USP13: variants seen among roughly 807,000 people sequenced by gnomAD.
USP13 encodes the protein ubiquitin carboxyl-terminal hydrolase 13.
A neutral mutation model predicts 107.8 loss-of-function variants in USP13; 68 were observed. The ratio of observed to expected loss-of-function variants is 0.63; its 90% CI spans 0.52 to 0.77. The LOEUF is 0.77. USP13 is among the 30% of genes least tolerant of loss of function. The pLI is 0.00. For missense variants in USP13, 945 were observed against 1,093.3 expected (o/e 0.86, Z 1.91); for synonymous variants, 377 against 389.5 (o/e 0.97, Z 0.38).
In USP13 at chr3:179,712,422, G is replaced by T. The variant is rs555342271; in HGVS notation, c.805+3465G>T. Among the ~76,000 whole-genome samples the T allele has an allele frequency of 2.0e-5, 3 of 152,000 alleles. No homozygotes were observed. The South Asian group carries it at 6.2e-4, about 32-fold the overall frequency. ...AGACTACTCACTGTTAATAATTTAGGTATTTCATTTTAGTCTTTTCTCTTT... is the reference window on the plus strand; with the variant it reads ...AGACTACTCACTGTTAATAATTTAGTTATTTCATTTTAGTCTTTTCTCTTT... On this transcript the variant is annotated intron_variant, in intron 6 of 20. Coordinates refer to ENST00000263966, the MANE Select transcript of USP13 (RefSeq NM_003940.3).
intron 1 of USP13, among the ~76,000 whole-genome samples, chr3:179,666,805 C>T (rs1162478870): frequency 2.0e-5 from 3 of 152,184 alleles, no homozygotes; most frequent in East Asian, 1.9e-4. Flanking sequence ...TGCCGACAGC[C>T]GCCCACCTGG....
In USP13 at chr3:179,785,929, G is replaced by A. The variant is rs757127593; in HGVS notation, c.*1788G>A. 6.6e-6 allele frequency: 1 copy of A among 152,272 alleles called. No individual in the cohort carries two copies. The highest frequency in any genetic ancestry group is 6.5e-5 in the Admixed American group (1 of 15,282). The allele number at this position is 152,272 out of a possible 1,614,324, so 9.4% of individuals were successfully genotyped here. A position where few individuals can be genotyped will look rare whatever the true frequency, so the allele number is the denominator to read the frequency against. ...ATGCTTTGAGGATACAGTGAGATTG[G>A]TTACAGTGAACCTTCAATGAGTAGA... On this transcript the variant is annotated 3_prime_UTR_variant, in exon 21 of 21. Coordinates refer to ENST00000263966, the MANE Select transcript of USP13 (RefSeq NM_003940.3).
chr3:179,786,125 T>TA lies in USP13; in HGVS notation c.*1987dup, dbSNP rs1001146846. 1 of 152,166 alleles carries TA rather than the reference T, an allele frequency of 6.6e-6. No individual in the cohort carries two copies. The highest frequency in any genetic ancestry group is 1.5e-5 in the Non-Finnish European group (1 of 68,046). The allele number at this position is 152,166 out of a possible 1,614,324, so 9.4% of individuals were successfully genotyped here. A position where few individuals can be genotyped will look rare whatever the true frequency, so the allele number is the denominator to read the frequency against. The stretch of plus-strand genomic sequence containing the variant: ...CCTCCTAATGTTAACTTGGATTTCC[T>TA]AAAGCAGTCCCACTCTGTTATGAGA... On this transcript the variant is annotated 3_prime_UTR_variant, in exon 21 of 21. Transcript: ENST00000263966.
At chr3:179,774,641 C>T (rs1419820116) in intron 19 of USP13, among the ~76,000 whole-genome samples, 1 of 152,140 alleles carries the variant, frequency 6.6e-6, no homozygotes, top group African/African-American at 2.4e-5. Flanking sequence ...AGTGGAGACC[C>T]AAAGGGTGAG....
At chr3:179,663,529 C>CT (rs1720510528) in intron 1 of USP13, among the ~76,000 whole-genome samples, 1 of 152,208 alleles carries the variant, frequency 6.6e-6, no homozygotes, top group Admixed American at 6.5e-5. Flanking sequence ...ACTGCTAAGG[C>CT]TCGGGCCCTC....
Position 179,719,980 on chromosome 3 carries a change from T to C in USP13, c.846T>C (p.Pro282=). 1 of 1,614,152 alleles carries C rather than the reference T, an allele frequency of 6.2e-7. No homozygotes were observed. The highest frequency in any genetic ancestry group is 1.3e-5 in the African/African-American group (1 of 75,056). ...SFQEEEPVLD[P]HLAKHLAHFG... ...AAGAAGAAGAACCTGTTTTGGATCCTCATTTGGCCAAGCACTTAGCGCATT... is the reference window on the plus strand; with the variant it reads ...AAGAAGAAGAACCTGTTTTGGATCCCCATTTGGCCAAGCACTTAGCGCATT... Residue 282 remains proline, a synonymous_variant, in exon 7 of 21, where the codon CCT becomes CCC. Coordinates refer to ENST00000263966, the MANE Select transcript of USP13 (RefSeq NM_003940.3).
rs199512457 is a variant in USP13 at position 179,730,689 on chromosome 3, G to A, written c.1234G>A (p.Val412Met). ...PPVKSELIEQVMKEEHKPQQN... is the reference protein window; with the variant it reads ...PPVKSELIEQMMKEEHKPQQN... ...GGTGAAATCTGAACTCATTGAACAG[G>A]TGATGAAGGAGGAGCACAAGGTATG... The change falls in exon 10 of 21, where the codon GTG becomes ATG. Residue 412 changes from valine (V) to methionine (M), a missense_variant. Physicochemically the swap from Val to Met is conservative, Grantham distance 21. Coordinates refer to ENST00000263966, the MANE Select transcript of USP13 (RefSeq NM_003940.3). 9.3e-5 allele frequency: 150 copies of A among 1,613,974 alleles called. No individual in the cohort carries two copies. The highest frequency in any genetic ancestry group is 1.1e-4 in the Non-Finnish European group (126 of 1,179,952).
At chr3:179,743,161 C>A (rs9848454) in intron 12 of USP13, among the ~76,000 whole-genome samples, 5,938 of 152,078 alleles carry the variant, frequency 0.039, 241 homozygotes, top group Middle Eastern at 0.2. Context: ...GAACAGAAAC[C>A]AAACACCGCA....
Position 179,730,582 on chromosome 3 carries a change from G to T in USP13, c.1161-34G>T. On this transcript the variant is annotated intron_variant, in intron 9 of 20. Transcript: ENST00000263966. ...AATATTACTATGGAAAAACAACAAT[G>T]ACCTTTTTGTTTCTGTTTCTCTGTC... is the stretch of plus-strand genomic sequence containing the variant. The T allele has an allele frequency of 1.9e-6, 3 of 1,557,058 alleles. No homozygotes were observed. In the South Asian group the frequency reaches 3.4e-5, roughly 18 times the overall value.
chr3:179,695,622 T>G (rs1712296923), intron 3 of USP13, among the ~76,000 whole-genome samples: 1 of 152,188 alleles, frequency 6.6e-6, no homozygotes, highest in South Asian at 2.1e-4. Flanking sequence ...GATTAAAATT[T>G]TTTTTCAATA....
chr3:179,734,278 A>C (rs1048986403), intron 10 of USP13, among the ~76,000 whole-genome samples: 7 of 152,222 alleles, frequency 4.6e-5, no homozygotes, highest in Non-Finnish European at 8.8e-5. Flanking sequence ...ATTAACTTGC[A>C]CTTGCAGTAG....
chr3:179,707,796 G>T (rs915410901), intron 5 of USP13, among the ~76,000 whole-genome samples: 4 of 152,198 alleles, frequency 2.6e-5, no homozygotes, highest in Non-Finnish European at 5.9e-5. Context: ...GATTAGGAAT[G>T]TGTCTGATTT....
rs1715097825 is a variant in USP13 at position 179,764,150 on chromosome 3, T to G, written c.2241T>G (p.Ile747Met). 1 of 1,613,012 alleles carries G rather than the reference T, an allele frequency of 6.2e-7. No individual in the cohort carries two copies. ...TGGGATTTCAGCGAAATCAGGCTAT[T>G]CAGGCACTACGAGCAACGGTGAGCA... ...TSMGFQRNQA[I>M]QALRATNNNL... Residue 747 changes from isoleucine (I) to methionine (M), a missense_variant, in exon 18 of 21, where the codon ATT becomes ATG. Transcript: ENST00000263966.
chr3:179,681,697 C>T (rs1711658921), intron 1 of USP13, among the ~76,000 whole-genome samples, 181 bp from the exon 2 acceptor site: 1 of 152,104 alleles, frequency 6.6e-6, no homozygotes, highest in African/African-American at 2.4e-5. Context: ...GTCTGTCCGG[C>T]TCTCTGTCTG....
Position 179,764,103 on chromosome 3 carries a change from A to G in USP13, c.2194A>G (p.Ile732Val), listed in dbSNP as rs2108537822. Residue 732 changes from isoleucine (I) to valine (V), a missense_variant, in exon 18 of 21, where the codon ATC becomes GTC. Physicochemically the swap from Ile to Val is conservative, Grantham distance 29. Transcript: ENST00000263966. ...SGLDNQPPEE[I>V]VAIITSMGFQ... ...ACTGGATAACCAACCTCCAGAGGAA[A>G]TCGTAGCTATCATCACCTCCATGGG... The G allele has an allele frequency of 1.2e-6, 2 of 1,614,088 alleles. No homozygotes were observed. Among genetic ancestry groups the G allele is most frequent in the Non-Finnish European group, 1.7e-6 (2 of 1,180,024 alleles).
intron 8 of USP13, among the ~76,000 whole-genome samples, chr3:179,729,697 C>T (rs921285900): frequency 2.0e-5 from 3 of 152,086 alleles, no homozygotes; most frequent in African/African-American, 7.2e-5. Context: ...GTCTTGAACT[C>T]CTGACCTCCG....
chr3:179,653,102 G>C lies in USP13; in HGVS notation c.-124G>C, dbSNP rs1230463682. On this transcript the variant is annotated 5_prime_UTR_variant, in exon 1 of 21. Transcript: ENST00000263966. This position sits in a 1 kb window ranked among gnomAD's most constrained non-coding sequence, Gnocchi z 4.0. ...CAGCCCGCTCTCCCCGCCCGCCCCG[G>C]CTCGGCCGGCTGCCGTTGCCCGCGC... is the stretch of plus-strand genomic sequence containing the variant. 3 of 872,328 alleles carry C rather than the reference G, an allele frequency of 3.4e-6. No homozygotes were observed. In the African/African-American group the frequency reaches 5.5e-5, roughly 16 times the overall value. The allele number at this position is 872,328 out of a possible 1,614,324, so 54.0% of individuals were successfully genotyped here. A position where few individuals can be genotyped will look rare whatever the true frequency, so the allele number is the denominator to read the frequency against.
At chr3:179,679,339 A>C (rs958156432) in intron 1 of USP13, among the ~76,000 whole-genome samples, 4 of 152,176 alleles carry the variant, frequency 2.6e-5, no homozygotes, top group African/African-American at 9.6e-5. Flanking sequence ...TTTTAAATAT[A>C]TTTGTAATAA....
chr3:179,684,357 CTGGAGTGCAG>C (rs1336248522), intron 2 of USP13, among the ~76,000 whole-genome samples: 1 of 151,840 alleles, frequency 6.6e-6, no homozygotes, highest in Non-Finnish European at 1.5e-5. Context: ...GTCACCCAGG[CTGGAGTGCAG>C]TGGCGCCACC....
Sources: gnomAD v4.1 joint callset for allele counts (sites outside exome capture counted in the v4.1 genomes callset) on GRCh38, gnomAD v4.1.1 for gene constraint, Gnocchi (gnomAD v3.1) non-coding constraint, MANE v1.5 for transcripts, NCBI Gene and HGNC (gene_info 2026-07-23, HGNC 2026-07-21) for gene names.